FAM135B: variants seen among roughly 807,000 people sequenced by gnomAD.
The protein encoded by FAM135B is protein FAM135B.
A neutral mutation model predicts 127.7 loss-of-function variants in FAM135B; 43 were observed. That is an observed-to-expected ratio of 0.34 (90% CI 0.26 to 0.43). The LOEUF (loss-of-function observed/expected upper bound fraction) is 0.43, where lower values mean the gene tolerates loss of function less well. Among genes scored for constraint, FAM135B ranks in the 20% least tolerant of loss-of-function variants. The pLI, the probability that FAM135B is intolerant of heterozygous loss-of-function variation, is 1.00. For missense variants in FAM135B, 1,558 were observed against 1,725.6 expected (o/e 0.90, Z 1.72); for synonymous variants, 670 against 665.1 (o/e 1.01, Z -0.11).
intron 1 of FAM135B, among the ~76,000 whole-genome samples, chr8:138,418,857 A>G (rs1204725524): frequency 5.4e-5 from 8 of 148,984 alleles, no homozygotes; most frequent in Admixed American, 7.1e-5. Context: ...AGTGCTAAAC[A>G]TAGAAAAAAA....
intron 1 of FAM135B, among the ~76,000 whole-genome samples, chr8:138,384,690 G>A (rs1218866315): frequency 3.3e-5 from 5 of 151,996 alleles, no homozygotes; most frequent in Non-Finnish European, 7.4e-5. Flanking sequence ...TTTAGAGAAG[G>A]GAGAGATGCA....
intron 3 of FAM135B, among the ~76,000 whole-genome samples, chr8:138,298,616 T>C (rs12542286): frequency 0.36 from 54,663 of 152,074 alleles, 10,234 homozygotes; most frequent in African/African-American, 0.44. Flanking sequence ...CCAGGACCTG[T>C]TAAGAAGTCT....
At chr8:138,483,920 GA>G (rs1171300910) in intron 1 of FAM135B, among the ~76,000 whole-genome samples, 6 of 152,230 alleles carry the variant, frequency 3.9e-5, no homozygotes, top group Middle Eastern at 3.4e-3. Context: ...ACTGAATTTT[GA>G]ATAAAAATAT....
At chr8:138,306,646 G>A (rs1455356147) in intron 3 of FAM135B, among the ~76,000 whole-genome samples, 2 of 149,930 alleles carry the variant, frequency 1.3e-5, no homozygotes, top group African/African-American at 4.9e-5. Context: ...GCAGTGGCGC[G>A]ATCTCTGCTC....
In FAM135B at chr8:138,183,174, G is replaced by A. The variant is rs558947241; in HGVS notation, c.874-4484C>T. 3.2e-4 allele frequency among the ~76,000 whole-genome samples: 48 copies of A among 152,296 alleles called. No individual in the cohort carries two copies. The South Asian group carries it at 9.3e-3, about 30-fold the overall frequency. On this transcript the variant is annotated intron_variant, in intron 9 of 19. Transcript: ENST00000395297. Reference sequence around the variant, plus strand: ...CAACACTGACAATTGAGAGTTACAAGGCACTGTGTGCCAAGAGCTTTGCAG... The same window carrying A: ...CAACACTGACAATTGAGAGTTACAAAGCACTGTGTGCCAAGAGCTTTGCAG...
At chr8:138,154,824 G>A (rs571040432) in intron 12 of FAM135B, among the ~76,000 whole-genome samples, 1 of 152,314 alleles carries the variant, frequency 6.6e-6, no homozygotes, top group East Asian at 1.9e-4. Flanking sequence ...TCTAATTCGT[G>A]TACCTGAAAG....
intron 7 of FAM135B, among the ~76,000 whole-genome samples, chr8:138,217,070 T>C (rs1218298710): frequency 2.6e-5 from 4 of 152,192 alleles, no homozygotes; most frequent in African/African-American, 4.8e-5. Flanking sequence ...AGATAATCTA[T>C]GTAAGCATTG....
At chr8:138,400,667 G>T (rs1833107669) in intron 1 of FAM135B, among the ~76,000 whole-genome samples, 1 of 152,150 alleles carries the variant, frequency 6.6e-6, no homozygotes, top group African/African-American at 2.4e-5. Context: ...CTCAGCCTTT[G>T]TTTAAACCCA....
At chr8:138,154,101 G>A (rs982104371) in intron 12 of FAM135B, among the ~76,000 whole-genome samples, 1 of 152,140 alleles carries the variant, frequency 6.6e-6, no homozygotes, top group Non-Finnish European at 1.5e-5. Context: ...CCAGTGGAAG[G>A]ATCAGGCAGC....
At chr8:138,154,118 T>C (rs1818457110) in intron 12 of FAM135B, among the ~76,000 whole-genome samples, 1 of 152,164 alleles carries the variant, frequency 6.6e-6, no homozygotes, top group African/African-American at 2.4e-5. Flanking sequence ...CAGCAACATT[T>C]GCTGTTCTGT....
chr8:138,253,600 C>T (rs61552008), intron 5 of FAM135B, among the ~76,000 whole-genome samples: 22,980 of 152,136 alleles, frequency 0.15, 1,903 homozygotes, highest in African/African-American at 0.19. Context: ...GAAGCCCCGC[C>T]CTTATTGTTG....
chr8:138,159,278 C>CAAA (rs1441016128), intron 12 of FAM135B, among the ~76,000 whole-genome samples: 3 of 31,646 alleles, frequency 9.5e-5, no homozygotes, highest in Non-Finnish European at 1.8e-4. Context: ...GACTCCGTCT[C>CAAA]AAAAAAAAAA....
At chr8:138,153,320 C>T (rs962153592) in intron 12 of FAM135B, 104 bp from the exon 13 acceptor site, 9 of 909,294 alleles carry the variant, frequency 9.9e-6, no homozygotes, top group African/African-American at 6.8e-5. Flanking sequence ...TATGTGGACT[C>T]GGTTCGAAGA....
intron 2 of FAM135B, among the ~76,000 whole-genome samples, chr8:138,356,748 G>A (rs186795237): frequency 2.0e-5 from 3 of 152,244 alleles, no homozygotes; most frequent in East Asian, 1.9e-4. Flanking sequence ...AGCTACCTGA[G>A]TGTCAATGGC....
chr8:138,169,081 G>T (rs951304551), intron 11 of FAM135B, among the ~76,000 whole-genome samples: 52 of 151,876 alleles, frequency 3.4e-4, no homozygotes, highest in Admixed American at 5.9e-4. Context: ...TAAATGTATG[G>T]AAATATATAA....
Position 138,310,804 on chromosome 8 carries a change from T to C in FAM135B, c.157+37A>G, listed in dbSNP as rs201910689. On this transcript the variant is annotated intron_variant, in intron 3 of 19. Coordinates refer to ENST00000395297, the MANE Select transcript of FAM135B (RefSeq NM_015912.4). ...AGCAGTGACAAAGGGAGGTTCGCCATTGGGGGCAAGTGCCCCATTGCCATT... is the reference window on the plus strand; with the variant it reads ...AGCAGTGACAAAGGGAGGTTCGCCACTGGGGGCAAGTGCCCCATTGCCATT... 1.0e-3 allele frequency: 1,636 copies of C among 1,588,856 alleles called. 12 individuals carry two copies. Among genetic ancestry groups the C allele is most frequent in the South Asian group, 5.4e-3 (487 of 90,284 alleles).
chr8:138,342,986 T>C (rs1317716745), intron 2 of FAM135B, among the ~76,000 whole-genome samples: 1 of 152,248 alleles, frequency 6.6e-6, no homozygotes, highest in Non-Finnish European at 1.5e-5. Context: ...TGTATATTGA[T>C]ATATCAGTGA....
rs2131392353 is a variant in FAM135B at position 138,408,144 on chromosome 8, C to G, written c.-19-40142G>C. Among the ~76,000 whole-genome samples, 5 of 152,330 alleles carry G rather than the reference C, an allele frequency of 3.3e-5. No homozygotes were observed. In the Middle Eastern group the frequency reaches 0.014, roughly 415 times the overall value. On this transcript the variant is annotated intron_variant, in intron 1 of 19. Coordinates refer to ENST00000395297, the MANE Select transcript of FAM135B (RefSeq NM_015912.4). ...TTAAAGTCATCAGCTGCAATAGCCC[C>G]TAACAAAAGACGTCAGCCTTGGAAG... is the stretch of plus-strand genomic sequence containing the variant.
rs184090535 is a variant in FAM135B, at chr8:138,474,607, C to T, written c.-20+22064G>A. Among the ~76,000 whole-genome samples, 401 of 152,300 alleles carry T rather than the reference C, an allele frequency of 2.6e-3. 1 individual carries two copies. The highest frequency in any genetic ancestry group is 4.6e-3 in the Non-Finnish European group (312 of 68,032). The stretch of plus-strand genomic sequence containing the variant: ...CCTTTCCTTTGAATTGAATGCCTTT[C>T]CTACACACAGTCACACAGCTCAAAT... On this transcript the variant is annotated intron_variant, in intron 1 of 19. Transcript: ENST00000395297.
Sources: allele counts gnomAD v4.1 joint callset (sites outside exome capture counted in the v4.1 genomes callset), GRCh38; gene constraint gnomAD v4.1.1; transcripts MANE v1.5; gene names NCBI Gene and HGNC (gene_info 2026-07-23, HGNC 2026-07-21).